The following MAP2K5 variants were observed in gnomAD, a reference collection of about 807,000 sequenced individuals.
MAP2K5 encodes the protein dual specificity mitogen-activated protein kinase kinase 5.
A neutral mutation model predicts 83.1 loss-of-function variants in MAP2K5; 49 were observed. That is an observed-to-expected ratio of 0.59 (90% CI 0.47 to 0.75). The LOEUF is 0.75. Among genes scored for constraint, MAP2K5 ranks in the 30% least tolerant of loss-of-function variants. The pLI, the probability that MAP2K5 is intolerant of heterozygous loss-of-function variation, is 0.00. For synonymous variants in MAP2K5, 202 were observed against 191.8 expected, an observed-to-expected ratio of 1.05 and a Z score of -0.44; for missense variants, 457 against 557.5, an observed-to-expected ratio of 0.82 and a Z score of 1.82.
At chr15:67,803,955 C>T (rs1324494113) in intron 21 of MAP2K5, among the ~76,000 whole-genome samples, 1 of 152,200 alleles carries the variant, frequency 6.6e-6, no homozygotes, top group Non-Finnish European at 1.5e-5. Context: ...ACCCTGCAGC[C>T]TCCATCAGTA....
Position 67,720,934 on chromosome 15 carries a change from T to A in MAP2K5, c.1045-6982T>A, listed in dbSNP as rs2088945606. Among the ~76,000 whole-genome samples the A allele has an allele frequency of 6.6e-6, 1 of 152,182 alleles. No individual in the cohort carries two copies. The highest frequency in any genetic ancestry group is 6.5e-5 in the Admixed American group (1 of 15,276). On this transcript the variant is annotated intron_variant, in intron 16 of 21. Coordinates refer to ENST00000178640, the MANE Select transcript of MAP2K5 (RefSeq NM_145160.3). This position sits in a 1 kb window ranked among gnomAD's most constrained non-coding sequence, Gnocchi z 5.7. ...CAGTTTGCCCAGGTTGAGACCTCAA[T>A]GTATCACGCTTTTCAGCATTCATGG...
rs1567327381 is a variant in MAP2K5 at position 67,638,052 on chromosome 15, A to C, written c.585+7125A>C. Among the ~76,000 whole-genome samples the C allele has an allele frequency of 6.6e-6, 1 of 151,678 alleles. No individual in the cohort carries two copies. The highest frequency in any genetic ancestry group is 1.5e-5 in the Non-Finnish European group (1 of 67,924). ...AATTTTTTAAAAATTAAAAAAGTTA[A>C]TTTTTTTAACTTTTAATTTAACTTT... On this transcript the variant is annotated intron_variant, in intron 9 of 21. Coordinates refer to ENST00000178640, the MANE Select transcript of MAP2K5 (RefSeq NM_145160.3). This position sits in a 1 kb window ranked among gnomAD's most constrained non-coding sequence, Gnocchi z 4.5.
intron 13 of MAP2K5, among the ~76,000 whole-genome samples, chr15:67,667,470 A>AG (rs2087409510): frequency 6.6e-6 from 1 of 152,170 alleles, no homozygotes; most frequent in African/African-American, 2.4e-5. Flanking sequence ...CAAATCAAAA[A>AG]CAGGGGTCCT....
chr15:67,584,976 T>C (rs1465892506), intron 4 of MAP2K5, among the ~76,000 whole-genome samples: 1 of 151,458 alleles, frequency 6.6e-6, no homozygotes, highest in African/African-American at 2.4e-5. Context: ...GATTACAGGC[T>C]TGAGCCACTG....
chr15:67,745,252 G>T (rs1162723981), intron 17 of MAP2K5, among the ~76,000 whole-genome samples: 3 of 152,220 alleles, frequency 2.0e-5, no homozygotes, highest in Admixed American at 6.5e-5. Context: ...ATGTTGTGAG[G>T]TGCAGGCAGT....
At chr15:67,651,293 G>T (rs1435104813) in intron 11 of MAP2K5, among the ~76,000 whole-genome samples, 1 of 152,152 alleles carries the variant, frequency 6.6e-6, no homozygotes, top group Non-Finnish European at 1.5e-5. Context: ...ATAATATTTT[G>T]ACACAAGCAT....
At chr15:67,556,225 G>C (rs1476619574) in intron 2 of MAP2K5, among the ~76,000 whole-genome samples, 1 of 152,078 alleles carries the variant, frequency 6.6e-6, no homozygotes, top group Non-Finnish European at 1.5e-5. Flanking sequence ...AAATGTTTTT[G>C]TTCAGCTTAT....
chr15:67,600,162 T>C (rs1405209208), intron 7 of MAP2K5, among the ~76,000 whole-genome samples: 1 of 152,228 alleles, frequency 6.6e-6, no homozygotes, highest in Non-Finnish European at 1.5e-5. Context: ...ACTAGTTTGT[T>C]ATTTGCAAAG....
Position 67,786,740 on chromosome 15 carries a change from A to G in MAP2K5, c.1242+13988A>G, listed in dbSNP as rs1173537987. ...TGCAACATGTTACTGAACGCTCTCC[A>G]CCTCTAGTTGCTTATCTACAAAAAT... On this transcript the variant is annotated intron_variant, in intron 21 of 21. Transcript: ENST00000178640. The surrounding 1 kb of genome is among the most constrained non-coding windows in gnomAD (Gnocchi z 4.7). 1.3e-5 allele frequency among the ~76,000 whole-genome samples: 2 copies of G among 152,138 alleles called. No homozygotes were observed. Among genetic ancestry groups the G allele is most frequent in the South Asian group, 2.1e-4 (1 of 4,818 alleles).
chr15:67,623,978 C>G (rs2086249356), intron 8 of MAP2K5, among the ~76,000 whole-genome samples: 1 of 151,886 alleles, frequency 6.6e-6, no homozygotes, highest in East Asian at 1.9e-4. Flanking sequence ...ACTGCTTTCC[C>G]TATTCCAGAC....
At chr15:67,628,012 G>A in intron 8 of MAP2K5, 1 of 745,254 alleles carries the variant, frequency 1.3e-6, no homozygotes, top group Admixed American at 1.8e-5. Flanking sequence ...AAGTGCTCCT[G>A]GGGCTTTGGG....
chr15:67,570,838 G>A (rs942785843), intron 3 of MAP2K5, among the ~76,000 whole-genome samples: 2 of 152,082 alleles, frequency 1.3e-5, no homozygotes, highest in African/African-American at 4.8e-5. Context: ...TTGCAGTATT[G>A]ACAACAGGAA....
At chr15:67,597,806 C>T (rs2085560507) in intron 7 of MAP2K5, among the ~76,000 whole-genome samples, 2 of 151,960 alleles carry the variant, frequency 1.3e-5, no homozygotes. Flanking sequence ...TTTGTTTTTC[C>T]CATCCCCCCC....
chr15:67,745,636 G>A (rs186686966), intron 17 of MAP2K5, among the ~76,000 whole-genome samples: 32 of 152,246 alleles, frequency 2.1e-4, no homozygotes, highest in African/African-American at 7.5e-4. Context: ...ATTTTCTGGT[G>A]GAATTAACAG....
intron 19 of MAP2K5, among the ~76,000 whole-genome samples, chr15:67,766,280 G>A (rs958307376): frequency 2.0e-5 from 3 of 152,146 alleles, no homozygotes; most frequent in Admixed American, 6.5e-5. Context: ...CCACTGCTTC[G>A]TTCTTTACCT....
At chr15:67,766,286 T>C (rs1461485156) in intron 19 of MAP2K5, among the ~76,000 whole-genome samples, 1 of 152,220 alleles carries the variant, frequency 6.6e-6, no homozygotes, top group East Asian at 1.9e-4. Context: ...CTTCGTTCTT[T>C]ACCTCCGTGC....
In MAP2K5 at chr15:67,646,329, G is replaced by A. The variant is rs200041217; in HGVS notation, c.654+30G>A. The A allele has an allele frequency of 1.7e-4, 240 of 1,400,980 alleles. 1 individual carries two copies. The African/African-American group carries it at 3.1e-3, about 18-fold the overall frequency. The allele number at this position is 1,400,980 out of a possible 1,614,324, so 86.8% of individuals were successfully genotyped here. On this transcript the variant is annotated intron_variant, in intron 10 of 21. Coordinates refer to ENST00000178640, the MANE Select transcript of MAP2K5 (RefSeq NM_145160.3). ...TTTTTTCATAATTTTTATTTGTAAA[G>A]CATGCCTATGGTATTGACTTGCAGG...
intron 13 of MAP2K5, among the ~76,000 whole-genome samples, chr15:67,686,255 A>G (rs1250999952): frequency 3.3e-5 from 5 of 152,172 alleles, no homozygotes; most frequent in African/African-American, 4.8e-5. Context: ...CAGGACACCT[A>G]TTTCAATTAT....
chr15:67,751,472 C>T (rs779269334), intron 19 of MAP2K5, among the ~76,000 whole-genome samples: 5 of 152,072 alleles, frequency 3.3e-5, no homozygotes, highest in Non-Finnish European at 7.4e-5. Flanking sequence ...TGAATACCTG[C>T]GTTGTAAAGT....
Sources: gnomAD v4.1 joint callset for allele counts (sites outside exome capture counted in the v4.1 genomes callset) on GRCh38, gnomAD v4.1.1 for gene constraint, Gnocchi (gnomAD v3.1) non-coding constraint, MANE v1.5 for transcripts, NCBI Gene and HGNC (gene_info 2026-07-23, HGNC 2026-07-21) for gene names.